The following TBC1D22A variants were observed in gnomAD, a reference collection of about 807,000 sequenced individuals.
TBC1D22A encodes the protein TBC1 domain family member 22A.
In TBC1D22A, 38 loss-of-function variants were observed where a neutral mutation model predicts 60.2. The observed-to-expected ratio is 0.63, with a 90% confidence interval of 0.49 to 0.83. TBC1D22A has a LOEUF of 0.83. Ranked by LOEUF, TBC1D22A falls within the 40% of genes least tolerant of loss-of-function variation. TBC1D22A has a pLI of 0.00. For missense variants in TBC1D22A, 628 were observed against 701.0 expected, an observed-to-expected ratio of 0.90 and a Z score of 1.18; for synonymous variants, 302 against 281.7, an observed-to-expected ratio of 1.07 and a Z score of -0.72.
intron 11 of TBC1D22A, among the ~76,000 whole-genome samples, chr22:47,064,658 G>A (rs5769343): frequency 0.47 from 71,739 of 152,066 alleles, 17,623 homozygotes; most frequent in East Asian, 0.59. Flanking sequence ...GGTGACTGTC[G>A]CCATCACCGT....
At chr22:47,147,865 C>T (rs1357056691) in intron 12 of TBC1D22A, among the ~76,000 whole-genome samples, 3 of 152,314 alleles carry the variant, frequency 2.0e-5, no homozygotes, top group East Asian at 3.9e-4. Context: ...GGGCAGAGGC[C>T]GGAGGCCCAG....
rs571722193 is a variant in TBC1D22A, at chr22:46,889,110, G to A, written c.709-2156G>A. The stretch of plus-strand genomic sequence containing the variant: ...TTATCTGTTTGAGACATAAAAGCAA[G>A]CCATAGACTGGGGAGAGGAATGACA... On this transcript the variant is annotated intron_variant, in intron 5 of 12. Coordinates refer to ENST00000337137, the MANE Select transcript of TBC1D22A (RefSeq NM_014346.5). Among the ~76,000 whole-genome samples, 42 of 152,290 alleles carry A rather than the reference G, an allele frequency of 2.8e-4. No homozygotes were observed. In the East Asian group the frequency reaches 6.7e-3, roughly 24 times the overall value.
intron 11 of TBC1D22A, among the ~76,000 whole-genome samples, chr22:47,053,797 G>A (rs1408121987): frequency 1.3e-5 from 2 of 152,258 alleles, no homozygotes; most frequent in Non-Finnish European, 2.9e-5. Flanking sequence ...CCCGCGTGCT[G>A]CCTTGTGGAC....
intron 4 of TBC1D22A, among the ~76,000 whole-genome samples, chr22:46,827,110 A>ATT (rs1054708670): frequency 4.6e-5 from 7 of 152,098 alleles, no homozygotes; most frequent in African/African-American, 1.7e-4. Flanking sequence ...TTCACGACCT[A>ATT]TTTATAAGTG....
chr22:46,792,731 G>A, intron 2 of TBC1D22A, 155 bp downstream of exon 2: 3 of 1,536,380 alleles, frequency 2.0e-6, no homozygotes, highest in Admixed American at 1.9e-5. Flanking sequence ...CGCTTTGTGT[G>A]AGATACTGTG....
chr22:47,037,790 C>A (rs907981507), intron 11 of TBC1D22A, among the ~76,000 whole-genome samples: 13 of 152,206 alleles, frequency 8.5e-5, no homozygotes, highest in Admixed American at 5.2e-4. Flanking sequence ...GAATTCACAT[C>A]CTGAGCAGTG....
chr22:47,173,373 C>T (rs2068566947), intron 12 of TBC1D22A, 125 bp from the exon 13 acceptor site: 1 of 1,301,722 alleles, frequency 7.7e-7, no homozygotes, highest in Non-Finnish European at 1.1e-6. Flanking sequence ...TCCTGGATCA[C>T]CCGCCCTGCA....
intron 8 of TBC1D22A, among the ~76,000 whole-genome samples, chr22:46,940,372 G>A (rs1034747334): frequency 2.0e-5 from 3 of 152,024 alleles, no homozygotes; most frequent in African/African-American, 7.3e-5. Context: ...CCCTTGAACA[G>A]CATGGAGGTT....
At chr22:46,941,684 A>G (rs1404975265) in intron 8 of TBC1D22A, among the ~76,000 whole-genome samples, 30 of 142,408 alleles carry the variant, frequency 2.1e-4, no homozygotes, top group African/African-American at 7.2e-4. Flanking sequence ...TATACGGAAT[A>G]TATATACGCG....
intron 8 of TBC1D22A, among the ~76,000 whole-genome samples, chr22:46,924,112 G>A (rs1014997128): frequency 6.6e-6 from 1 of 152,192 alleles, no homozygotes; most frequent in Admixed American, 6.5e-5. Flanking sequence ...TTTTAGCAGA[G>A]CAAGAAACAA....
chr22:46,829,962 AGGGGTACACAGGGAAATGAGACT>A (rs1369571747), intron 4 of TBC1D22A, among the ~76,000 whole-genome samples: 1 of 152,238 alleles, frequency 6.6e-6, no homozygotes. Context: ...TGAAAGGAGC[AGGGGTACACAGGGAAATGAGACT>A]GGCTTTGTTC....
intron 12 of TBC1D22A, among the ~76,000 whole-genome samples, chr22:47,157,221 G>A (rs569513542): frequency 8.5e-5 from 13 of 152,312 alleles, no homozygotes; most frequent in Middle Eastern, 6.8e-3. Flanking sequence ...CGTGGCACAC[G>A]TGCTGTAGTC....
At chr22:47,069,417 C>T (rs1056340506) in intron 11 of TBC1D22A, among the ~76,000 whole-genome samples, 1 of 152,182 alleles carries the variant, frequency 6.6e-6, no homozygotes, top group Admixed American at 6.5e-5. Flanking sequence ...GGAATCTTAA[C>T]GGAACGTGCT....
In TBC1D22A at chr22:47,090,255, C is replaced by G. The variant is rs114655410; in HGVS notation, c.1330-21253C>G. ...AAGGCCAGCATCCGCCAGCTCATGT[C>G]TCCACCCGGCACACACTGAGCTGGG... On this transcript the variant is annotated intron_variant, in intron 11 of 12. Coordinates refer to ENST00000337137, the MANE Select transcript of TBC1D22A (RefSeq NM_014346.5). 1.4e-3 allele frequency among the ~76,000 whole-genome samples: 216 copies of G among 152,356 alleles called. 1 individual carries two copies. Among genetic ancestry groups the G allele is most frequent in the African/African-American group, 5.1e-3 (211 of 41,584 alleles).
chr22:47,158,473 C>T (rs972592564), intron 12 of TBC1D22A, among the ~76,000 whole-genome samples: 1 of 152,048 alleles, frequency 6.6e-6, no homozygotes, highest in African/African-American at 2.4e-5. Flanking sequence ...GGGGCAGTTC[C>T]CCCCCCAATC....
At chr22:47,074,430 C>T (rs914605741) in intron 11 of TBC1D22A, among the ~76,000 whole-genome samples, 1 of 152,204 alleles carries the variant, frequency 6.6e-6, no homozygotes, top group Non-Finnish European at 1.5e-5. Flanking sequence ...TGGAAGCAGG[C>T]ACTTTGTTAA....
chr22:46,902,778 C>T (rs1233363742), intron 7 of TBC1D22A, among the ~76,000 whole-genome samples: 2 of 150,476 alleles, frequency 1.3e-5, no homozygotes, highest in East Asian at 1.9e-4. Context: ...CCGAAGAACA[C>T]CAGCAGACAG....
intron 11 of TBC1D22A, among the ~76,000 whole-genome samples, chr22:47,091,441 G>T (rs1050589266): frequency 5.3e-4 from 60 of 112,168 alleles, no homozygotes; most frequent in South Asian, 6.3e-4. Context: ...GGGTGGCTGC[G>T]TGTTGATAGA....
chr22:46,817,357 T>C (rs1193415230), intron 4 of TBC1D22A, among the ~76,000 whole-genome samples: 3 of 152,178 alleles, frequency 2.0e-5, no homozygotes, highest in Non-Finnish European at 4.4e-5. Flanking sequence ...GGTGGTTTGC[T>C]GCACCTATTG....
Sources: gnomAD v4.1 joint callset for allele counts (sites outside exome capture counted in the v4.1 genomes callset) on GRCh38, gnomAD v4.1.1 for gene constraint, MANE v1.5 for transcripts, NCBI Gene and HGNC (gene_info 2026-07-23, HGNC 2026-07-21) for gene names.